UTRN: variants seen among roughly 807,000 people sequenced by gnomAD.
UTRN encodes utrophin.
A neutral mutation model predicts 463.9 loss-of-function variants in UTRN; 283 were observed. That is an observed-to-expected ratio of 0.61 (90% CI 0.55 to 0.67). UTRN has a LOEUF of 0.67. Ranked by LOEUF, UTRN falls within the 30% of genes least tolerant of loss-of-function variation. The pLI is 0.00. For synonymous variants in UTRN, 1,442 were observed against 1,431.5 expected (o/e 1.01, Z -0.17); for missense variants, 3,922 against 4,084.3 (o/e 0.96, Z 1.08).
At chr6:144,803,782 T>A (rs1777908205) in intron 65 of UTRN, among the ~76,000 whole-genome samples, 1 of 152,102 alleles carries the variant, frequency 6.6e-6, no homozygotes. Context: ...ACAAGTATCT[T>A]TGTGAGGGTA....
chr6:144,527,390 A>G (rs1047302333), intron 41 of UTRN, among the ~76,000 whole-genome samples: 4 of 152,200 alleles, frequency 2.6e-5, no homozygotes, highest in Non-Finnish European at 5.9e-5. Flanking sequence ...ATTCTTCTTT[A>G]TAGGTTACCT....
chr6:144,478,038 C>G (rs907450028), intron 25 of UTRN, among the ~76,000 whole-genome samples: 48 of 152,142 alleles, frequency 3.2e-4, no homozygotes, highest in Non-Finnish European at 5.6e-4. Flanking sequence ...GAATAATTAT[C>G]TAGAGCATTT....
chr6:144,817,411 A>G (rs1779185219), intron 65 of UTRN, among the ~76,000 whole-genome samples: 1 of 152,138 alleles, frequency 6.6e-6, no homozygotes, highest in South Asian at 2.1e-4. Context: ...TAATATCAAA[A>G]GTTATTTCCT....
chr6:144,601,040 A>C (rs1025247281), intron 51 of UTRN, among the ~76,000 whole-genome samples: 21 of 152,190 alleles, frequency 1.4e-4, no homozygotes, highest in Non-Finnish European at 1.9e-4. Context: ...GATTTAATGA[A>C]TATTTTAAGC....
At chr6:144,675,399 A>G (rs879887490) in intron 51 of UTRN, among the ~76,000 whole-genome samples, 1 of 152,136 alleles carries the variant, frequency 6.6e-6, no homozygotes, top group Non-Finnish European at 1.5e-5. Flanking sequence ...CCTTGGTTGT[A>G]GTTTGGTTTA....
intron 64 of UTRN, chr6:144,799,302 T>C: frequency 2.8e-6 from 1 of 356,260 alleles, no homozygotes. Flanking sequence ...TATGGTGTAG[T>C]TGGGAAGACT....
intron 2 of UTRN, among the ~76,000 whole-genome samples, chr6:144,337,193 A>C (rs867680537): frequency 6.7e-5 from 7 of 105,174 alleles, no homozygotes; most frequent in Middle Eastern, 4.8e-3. Context: ...ACACACACAC[A>C]CCACACACAC....
At chr6:144,779,191 T>A (rs952041053) in intron 60 of UTRN, among the ~76,000 whole-genome samples, 3 of 152,184 alleles carry the variant, frequency 2.0e-5, no homozygotes, top group Non-Finnish European at 4.4e-5. Context: ...GTTACTGGCA[T>A]AATTAATGTT....
intron 52 of UTRN, among the ~76,000 whole-genome samples, chr6:144,690,593 CTT>C (rs1274550427): frequency 6.6e-6 from 1 of 152,196 alleles, no homozygotes; most frequent in African/African-American, 2.4e-5. Context: ...GGGAGCATCT[CTT>C]AACCTGCGAC....
At chr6:144,555,980 A>G (rs914020767) in intron 49 of UTRN, among the ~76,000 whole-genome samples, 7 of 152,354 alleles carry the variant, frequency 4.6e-5, no homozygotes, top group African/African-American at 1.2e-4. Flanking sequence ...TGTTTTATCA[A>G]TTTCGTAATA....
chr6:144,831,363 C>G (rs980835925), intron 69 of UTRN, among the ~76,000 whole-genome samples: 1 of 152,076 alleles, frequency 6.6e-6, no homozygotes, highest in East Asian at 1.9e-4. Context: ...GAGAAGGAGA[C>G]GTAGCAATGG....
intron 18 of UTRN, among the ~76,000 whole-genome samples, chr6:144,452,032 G>A (rs959522194): frequency 2.0e-5 from 3 of 152,090 alleles, no homozygotes; most frequent in Non-Finnish European, 2.9e-5. Flanking sequence ...GTGCTCATAC[G>A]TCTCCTACAC....
In UTRN at chr6:144,577,245, T is replaced by C; in HGVS notation, c.7436T>C (p.Leu2479Pro). Residue 2479 changes from leucine (L) to proline (P), a missense_variant, in exon 51 of 75, where the codon CTT becomes CCT. Physicochemically the swap from Leu to Pro is moderately conservative, Grantham distance 98. This residue lies in a region of UTRN where 1,309 missense variants were observed against 1,452.6 expected (regional missense o/e 0.90). Coordinates refer to ENST00000367545, the MANE Select transcript of UTRN (RefSeq NM_007124.3). ...GATGCCTCTCATCGGGAGAATGCTC[T>C]TCAGGATAGTATCTTGGCCAGGGAA... ...LVDASHRENA[L>P]QDSILARELK... 1 of 1,613,920 alleles carries C rather than the reference T, an allele frequency of 6.2e-7. No homozygotes were observed. Among genetic ancestry groups the C allele is most frequent in the Admixed American group, 1.7e-5 (1 of 59,986 alleles).
intron 51 of UTRN, among the ~76,000 whole-genome samples, chr6:144,615,021 T>C (rs1432387857): frequency 6.6e-6 from 1 of 152,106 alleles, no homozygotes; most frequent in African/African-American, 2.4e-5. Flanking sequence ...TTATAGGGTA[T>C]AAAATACTTG....
chr6:144,741,489 A>C (rs755677906), intron 54 of UTRN, among the ~76,000 whole-genome samples: 1 of 152,140 alleles, frequency 6.6e-6, no homozygotes, highest in Non-Finnish European at 1.5e-5. Flanking sequence ...ACCATTTACA[A>C]GGGGGGTGTT....
At chr6:144,516,751 A>G in intron 38 of UTRN, 60 bp from the exon 39 acceptor site, 1 of 1,327,572 alleles carries the variant, frequency 7.5e-7, no homozygotes, top group Non-Finnish European at 9.7e-7. Flanking sequence ...AGGAGTTGAT[A>G]GGAAGTGACC....
At chr6:144,767,710 T>C (rs1191710292) in intron 58 of UTRN, among the ~76,000 whole-genome samples, 2 of 152,210 alleles carry the variant, frequency 1.3e-5, no homozygotes, top group African/African-American at 4.8e-5. Context: ...TTAATATACA[T>C]CCTGACCTAG....
Position 144,436,045 on chromosome 6 carries a change from G to A in UTRN, c.966G>A (p.Leu322=). The part of the protein sequence containing the change: ...DSYQIALEEV[L]TWLLSAEDTF... ...ATCAGATTGCGTTGGAGGAAGTGCT[G>A]ACCTGGTTGCTTTCTGCTGAGGACA... Residue 322 remains leucine, a synonymous_variant, in exon 10 of 75, where the codon CTG becomes CTA. Coordinates refer to ENST00000367545, the MANE Select transcript of UTRN (RefSeq NM_007124.3). The A allele has an allele frequency of 6.2e-7, 1 of 1,614,242 alleles. No homozygotes were observed. The highest frequency in any genetic ancestry group is 8.5e-7 in the Non-Finnish European group (1 of 1,180,048).
chr6:144,745,004 A>G (rs1184283838), intron 54 of UTRN, among the ~76,000 whole-genome samples: 1 of 152,120 alleles, frequency 6.6e-6, no homozygotes, highest in East Asian at 1.9e-4. Context: ...CTATCTATCC[A>G]TGCCAGACCT....
Sources: gnomAD v4.1 joint callset for allele counts (sites outside exome capture counted in the v4.1 genomes callset) on GRCh38, gnomAD v4.1.1 for gene constraint, gnomAD v4.1.1 regional missense constraint, MANE v1.5 for transcripts, NCBI Gene and HGNC (gene_info 2026-07-23, HGNC 2026-07-21) for gene names.